KL: variants seen among roughly 807,000 people sequenced by gnomAD.
KL encodes the protein klotho.
KL carries 62 observed loss-of-function variants against 84.2 expected under a neutral mutation model. The observed-to-expected ratio is 0.74, with a 90% CI of 0.60 to 0.91. KL has a LOEUF of 0.91. KL is among the 40% of genes least tolerant of loss of function. KL has a pLI of 0.00. For missense variants in KL, 1,261 were observed against 1,305.7 expected (o/e 0.97, Z 0.53); for synonymous variants, 528 against 528.0 (o/e 1.00, Z 0.00).
chr13:33,063,574 C>T (rs1359721261), intron 4 of KL, among the ~76,000 whole-genome samples: 1 of 151,856 alleles, frequency 6.6e-6, no homozygotes, highest in Non-Finnish European at 1.5e-5. Flanking sequence ...AAATCGAGAC[C>T]ATCCTGGCCA....
chr13:33,044,778 G>A (rs868113617), intron 1 of KL, among the ~76,000 whole-genome samples: 14 of 148,504 alleles, frequency 9.4e-5, no homozygotes, highest in Non-Finnish European at 1.6e-4. Context: ...AGCCTCCCAA[G>A]TAGCTGGGAC....
intron 3 of KL, among the ~76,000 whole-genome samples, chr13:33,055,603 G>A (rs1871929998): frequency 6.6e-6 from 1 of 152,160 alleles, no homozygotes; most frequent in Non-Finnish European, 1.5e-5. Flanking sequence ...TTTTCATACT[G>A]TGGTTTTTGA....
rs1426575900 is a variant in KL, at chr13:33,054,155, T to G, written c.1208T>G (p.Leu403Arg). The change falls in exon 2 of 5, where the codon CTT (leucine) becomes CGT (arginine). Residue 403 changes from leucine (L) to arginine (R), a missense_variant. Transcript: ENST00000380099. ...AGGCAACTGCTTTCCTGGATTGACC[T>G]TGAATTTAACCATCCTCAAATATTT... Reference protein sequence around the residue: ...NLRQLLSWIDLEFNHPQIFIV... With the variant: ...NLRQLLSWIDREFNHPQIFIV... 1 of 1,614,062 alleles carries G rather than the reference T, an allele frequency of 6.2e-7. No individual in the cohort carries two copies. Among genetic ancestry groups the G allele is most frequent in the Admixed American group, 1.7e-5 (1 of 60,020 alleles).
intron 4 of KL, among the ~76,000 whole-genome samples, chr13:33,062,672 CAAAAAAAAAAAA>C: frequency 1.5e-5 from 1 of 68,106 alleles, no homozygotes; most frequent in Non-Finnish European, 2.6e-5. Context: ...GACTCCATCT[CAAAAAAAAAAAA>C]AAAAAAAAAA....
Position 33,063,997 on chromosome 13 carries a change from C to T in KL, c.2850C>T (p.Ser950=). 6.2e-7 allele frequency: 1 copy of T among 1,614,172 alleles called. No individual in the cohort carries two copies. The highest frequency in any genetic ancestry group is 8.5e-7 in the Non-Finnish European group (1 of 1,180,032). ...AACATTACAGGAAAATTATTGACAG[C>T]AATGGTTTCCCGGGCCCAGAAACTC... ...SMKHYRKIID[S]NGFPGPETLE... Residue 950 remains serine, a synonymous_variant, in exon 5 of 5, where the codon AGC becomes AGT. Coordinates refer to ENST00000380099, the MANE Select transcript of KL (RefSeq NM_004795.4).
rs140464949 is a variant in KL, at chr13:33,025,679, T to C, written c.819+8420T>C. Among the ~76,000 whole-genome samples, 225 of 152,296 alleles carry C rather than the reference T, an allele frequency of 1.5e-3. 1 individual carries two copies. Among genetic ancestry groups the C allele is most frequent in the African/African-American group, 5.2e-3 (217 of 41,552 alleles). The stretch of plus-strand genomic sequence containing the variant: ...CAGAACCAAGCAGTGCCCCAGGTGT[T>C]CAGAGTAGGCTTCAGCGATTACATT... On this transcript the variant is annotated intron_variant, in intron 1 of 4. Transcript: ENST00000380099.
intron 1 of KL, among the ~76,000 whole-genome samples, chr13:33,049,734 G>A (rs1450523094): frequency 1.3e-5 from 2 of 152,200 alleles, no homozygotes; most frequent in African/African-American, 2.4e-5. Flanking sequence ...GAACAGGTGG[G>A]CAGGGTGAGA....
intron 1 of KL, among the ~76,000 whole-genome samples, chr13:33,047,531 T>C (rs1871582905): frequency 6.6e-6 from 1 of 152,146 alleles, no homozygotes; most frequent in South Asian, 2.1e-4. Context: ...GGTTTCACCA[T>C]GTTGGTCAGG....
At chr13:33,039,449 T>A (rs1871257352) in intron 1 of KL, among the ~76,000 whole-genome samples, 1 of 151,744 alleles carries the variant, frequency 6.6e-6, no homozygotes, top group Non-Finnish European at 1.5e-5. Context: ...TGTGGGGGAG[T>A]ATAATACAAT....
chr13:33,044,087 G>A lies in KL; in HGVS notation c.820-9680G>A, dbSNP rs112753939. On this transcript the variant is annotated intron_variant, in intron 1 of 4. Coordinates refer to ENST00000380099, the MANE Select transcript of KL (RefSeq NM_004795.4). ...GTTGTCAAGGATCATTTGTTGAAACGTCTTTCCTGTTGCCACATAATTGCT... is the reference window on the plus strand; with the variant it reads ...GTTGTCAAGGATCATTTGTTGAAACATCTTTCCTGTTGCCACATAATTGCT... Among the ~76,000 whole-genome samples, 359 of 152,218 alleles carry A rather than the reference G, an allele frequency of 2.4e-3. 1 individual carries two copies. Among genetic ancestry groups the A allele is most frequent in the African/African-American group, 8.0e-3 (333 of 41,542 alleles).
chr13:33,063,776 C>CAA (rs34137141), intron 4 of KL, 73 bp from the exon 5 acceptor site: 47,571 of 1,146,028 alleles, frequency 0.042, 17 homozygotes, highest in Non-Finnish European at 0.048. Flanking sequence ...GACTCCGTCT[C>CAA]AAAAAAAAAA....
chr13:33,030,485 T>C (rs1025340595), intron 1 of KL, among the ~76,000 whole-genome samples: 1 of 152,222 alleles, frequency 6.6e-6, no homozygotes, highest in African/African-American at 2.4e-5. Context: ...TTCAAGCGCC[T>C]TATTTTCTAT....
intron 3 of KL, among the ~76,000 whole-genome samples, chr13:33,059,277 A>G (rs1290455711): frequency 6.6e-6 from 1 of 152,178 alleles, no homozygotes; most frequent in African/African-American, 2.4e-5. Context: ...TATAATTTGC[A>G]CACTTTTCCT....
intron 1 of KL, among the ~76,000 whole-genome samples, chr13:33,027,413 C>T (rs1277108598): frequency 6.6e-6 from 1 of 152,172 alleles, no homozygotes. Flanking sequence ...TTGACCTTGG[C>T]ATAACTGATC....
intron 1 of KL, among the ~76,000 whole-genome samples, chr13:33,046,450 T>G (rs1005622376): frequency 6.6e-6 from 1 of 152,196 alleles, no homozygotes; most frequent in Non-Finnish European, 1.5e-5. Flanking sequence ...CTTGTAATCC[T>G]TTTTATTATA....
intron 1 of KL, among the ~76,000 whole-genome samples, chr13:33,025,559 G>A (rs933750752): frequency 2.6e-5 from 4 of 152,180 alleles, no homozygotes; most frequent in Non-Finnish European, 4.4e-5. Flanking sequence ...CACAGCATGA[G>A]GTCTTTTGAA....
Position 33,040,974 on chromosome 13 carries a change from G to T in KL, c.820-12793G>T, listed in dbSNP as rs534053448. 3.9e-5 allele frequency among the ~76,000 whole-genome samples: 6 copies of T among 152,196 alleles called. No individual in the cohort carries two copies. In the South Asian group the frequency reaches 1.2e-3, roughly 32 times the overall value. The stretch of plus-strand genomic sequence containing the variant: ...AATAATAGCCTAAATCTAGCCACTT[G>T]TTACTATCTTTTTTGGTCCAAACCA... On this transcript the variant is annotated intron_variant, in intron 1 of 4. Transcript: ENST00000380099.
At chr13:33,057,538 C>T (rs962490963) in intron 3 of KL, among the ~76,000 whole-genome samples, 1 of 152,092 alleles carries the variant, frequency 6.6e-6, no homozygotes, top group African/African-American at 2.4e-5. Context: ...CTAATTGGCC[C>T]CAGAGGTCTC....
At chr13:33,056,292 C>G (rs892781386) in intron 3 of KL, among the ~76,000 whole-genome samples, 1 of 152,034 alleles carries the variant, frequency 6.6e-6, no homozygotes, top group Non-Finnish European at 1.5e-5. Context: ...GTTATGGTAG[C>G]CAATTAATTG....
Sources: gnomAD v4.1 joint callset for allele counts (sites outside exome capture counted in the v4.1 genomes callset) on GRCh38, gnomAD v4.1.1 for gene constraint, MANE v1.5 for transcripts, NCBI Gene and HGNC (gene_info 2026-07-23, HGNC 2026-07-21) for gene names.